Variants in CENPC observed in about 807,000 individuals in gnomAD.
CENPC encodes the protein centromere protein C.
CENPC carries 63 observed loss-of-function variants against 112.1 expected under a neutral mutation model. The observed-to-expected ratio is 0.56, with a 90% CI of 0.46 to 0.69. The LOEUF (loss-of-function observed/expected upper bound fraction) is 0.69, where lower values mean the gene tolerates loss of function less well. CENPC is among the 30% of genes least tolerant of loss of function. The pLI is 0.00. For synonymous variants in CENPC, 333 were observed against 367.6 expected (o/e 0.91, Z 1.08); for missense variants, 1,000 against 1,103.8 (o/e 0.91, Z 1.33).
chr4:67,479,470 A>G (rs1724895636), intron 17 of CENPC, among the ~76,000 whole-genome samples: 1 of 152,194 alleles, frequency 6.6e-6, no homozygotes, highest in Admixed American at 6.5e-5. Context: ...CTCCTGAATG[A>G]TTGTTGGGTC....
intron 12 of CENPC, 162 bp downstream of exon 12, chr4:67,505,043 C>G (rs1201687879): frequency 1.0e-5 from 6 of 575,102 alleles, no homozygotes; most frequent in Non-Finnish European, 1.8e-5. Context: ...TTCTTTCTGT[C>G]TCACTTAGGT....
intron 7 of CENPC, among the ~76,000 whole-genome samples, chr4:67,517,785 C>T (rs948647949): frequency 1.3e-5 from 2 of 151,982 alleles, no homozygotes; most frequent in African/African-American, 4.8e-5. Context: ...TGCAATGAGC[C>T]GAGATTGCGT....
intron 12 of CENPC, among the ~76,000 whole-genome samples, chr4:67,495,547 G>C (rs577928544): frequency 2.6e-5 from 4 of 152,224 alleles, no homozygotes; most frequent in African/African-American, 9.6e-5. Flanking sequence ...GATGAGGAAG[G>C]GGTTTTATTG....
At chr4:67,511,625 A>C (rs1304541878) in intron 9 of CENPC, among the ~76,000 whole-genome samples, 1 of 152,154 alleles carries the variant, frequency 6.6e-6, no homozygotes, top group Non-Finnish European at 1.5e-5. Flanking sequence ...GCTTATGCAA[A>C]AAATATGGTT....
intron 2 of CENPC, 88 bp downstream of exon 2, chr4:67,544,057 TAGTC>T: frequency 1.4e-6 from 1 of 695,570 alleles, no homozygotes; most frequent in South Asian, 1.6e-5. Flanking sequence ...ATCATTATAT[TAGTC>T]AGAGGTGATA....
chr4:67,479,591 A>T (rs1724898467), intron 17 of CENPC, among the ~76,000 whole-genome samples: 1 of 152,240 alleles, frequency 6.6e-6, no homozygotes, highest in East Asian at 1.9e-4. Context: ...CAGGAAAGTT[A>T]ATAGCATTAA....
At chr4:67,474,813 C>A (rs1724758969) in intron 18 of CENPC, 75 bp downstream of exon 18, 2 of 805,540 alleles carry the variant, frequency 2.5e-6, no homozygotes, top group Admixed American at 4.7e-5. Context: ...TTCATTTTGA[C>A]CACTGTGGCT....
At chr4:67,489,217 C>CACAT (rs1186682778) in intron 17 of CENPC, among the ~76,000 whole-genome samples, 4 of 151,550 alleles carry the variant, frequency 2.6e-5, no homozygotes, top group South Asian at 2.1e-4. Context: ...CACACACACA[C>CACAT]ACACATACAC....
Position 67,519,368 on chromosome 4 carries a change from C to A in CENPC, c.466G>T (p.Val156Phe). Residue 156 changes from valine to phenylalanine, a missense_variant, in exon 6 of 19, where the codon GTT (valine) becomes TTT (phenylalanine). Coordinates refer to ENST00000273853, the MANE Select transcript of CENPC (RefSeq NM_001812.4). ...SEADEEFYLS[V>F]GSPSVLLDAK... ...TCCAAAAGAACAGAAGGTGAGCCAA[C>A]GGATAAGTAAAATTCTTCATCAGCT... 1.2e-6 allele frequency: 2 copies of A among 1,613,134 alleles called. No homozygotes were observed. Among genetic ancestry groups the A allele is most frequent in the Non-Finnish European group, 1.7e-6 (2 of 1,179,502 alleles).
rs71219046 is a variant in CENPC at position 67,491,480 on chromosome 4, T to TAGAGAGAGAGAG, written c.2515+688_2515+699dup. Among the ~76,000 whole-genome samples the TAGAGAGAGAGAG allele has an allele frequency of 4.8e-3, 87 of 18,082 alleles. 11 individuals are homozygous for TAGAGAGAGAGAG. The highest frequency in any genetic ancestry group is 0.022 in the South Asian group (4 of 186). 11.9% of individuals were successfully genotyped at this position (18,082 alleles called of 152,430 possible). A position where few individuals can be genotyped will look rare whatever the true frequency, so the allele number is the denominator to read the frequency against. ...ATATATATATATATATATATATATATAGAGAGAGAGAGAGAGAGAGAGAGA... is the reference window on the plus strand; with the variant it reads ...ATATATATATATATATATATATATATAGAGAGAGAGAGAGAGAGAGAGAGAGAGAGAGAGAGA... On this transcript the variant is annotated intron_variant, in intron 16 of 18. Transcript: ENST00000273853.
chr4:67,496,982 G>A lies in CENPC; in HGVS notation c.2132-1770C>T, dbSNP rs555831226. On this transcript the variant is annotated intron_variant, in intron 12 of 18. Transcript: ENST00000273853. ...CTGTTGGAAATTCTCCTGTGACACTGGGCCTCGGAGGCAGTGTCAGAGTGA... is the reference window on the plus strand; with the variant it reads ...CTGTTGGAAATTCTCCTGTGACACTAGGCCTCGGAGGCAGTGTCAGAGTGA... Among the ~76,000 whole-genome samples the A allele has an allele frequency of 1.7e-3, 239 of 143,968 alleles. 1 individual carries two copies. The highest frequency in any genetic ancestry group is 4.4e-3 in the African/African-American group (171 of 38,684). The allele number at this position is 143,968 out of a possible 152,430, so 94.4% of individuals were successfully genotyped here. A position where few individuals can be genotyped will look rare whatever the true frequency, so the allele number is the denominator to read the frequency against.
At position 67,498,600 on chromosome 4, in the gene CENPC, C is replaced by A. The variant is rs930770153; in HGVS notation, c.2132-3388G>T. On this transcript the variant is annotated intron_variant, in intron 12 of 18. Coordinates refer to ENST00000273853, the MANE Select transcript of CENPC (RefSeq NM_001812.4). ...TTCCAACTCAAGAAATCAGTTCCTT[C>A]GTTCTTCCATAAGAAGCAACTCCTC... 6.6e-5 allele frequency among the ~76,000 whole-genome samples: 10 copies of A among 152,174 alleles called. 1 individual carries two copies. Among genetic ancestry groups the A allele is most frequent in the Non-Finnish European group, 1.5e-4 (10 of 68,034 alleles).
At chr4:67,497,107 C>A (rs974988570) in intron 12 of CENPC, among the ~76,000 whole-genome samples, 14 of 152,112 alleles carry the variant, frequency 9.2e-5, no homozygotes, top group Admixed American at 2.0e-4. Flanking sequence ...CGGCCAGGCG[C>A]AGTGGCTCAC....
At chr4:67,512,380 C>T (rs746479734) in intron 9 of CENPC, 22 bp downstream of exon 9, 2 of 1,529,734 alleles carry the variant, frequency 1.3e-6, no homozygotes, top group Non-Finnish European at 1.8e-6. Flanking sequence ...TGAACAAACA[C>T]AATTTAAATA....
chr4:67,502,647 T>A (rs929666058), intron 12 of CENPC, among the ~76,000 whole-genome samples: 1 of 152,086 alleles, frequency 6.6e-6, no homozygotes, highest in African/African-American at 2.4e-5. Flanking sequence ...CCTTAATAGA[T>A]CTCAAATAAA....
intron 5 of CENPC, 146 bp downstream of exon 5, chr4:67,530,669 A>T (rs1391110): frequency 0.22 from 90,530 of 416,840 alleles, 10,276 homozygotes; most frequent in South Asian, 0.26. Flanking sequence ...TTGTAAGGAA[A>T]TCAAAAACAA....
At chr4:67,494,548 G>A (rs1364322862) in intron 13 of CENPC, among the ~76,000 whole-genome samples, 2 of 151,458 alleles carry the variant, frequency 1.3e-5, no homozygotes, top group Non-Finnish European at 2.9e-5. Context: ...TCTAAGTTCT[G>A]GAGTAAGGCA....
chr4:67,502,916 T>C (rs1262777106), intron 12 of CENPC, among the ~76,000 whole-genome samples: 1 of 152,174 alleles, frequency 6.6e-6, no homozygotes, highest in Non-Finnish European at 1.5e-5. Context: ...TTCCACTTTC[T>C]ACTGCTACCA....
intron 10 of CENPC, 48 bp from the exon 11 acceptor site, chr4:67,506,982 A>G: frequency 6.9e-7 from 1 of 1,458,518 alleles, no homozygotes; most frequent in Non-Finnish European, 9.3e-7. Flanking sequence ...TCAAAATAAA[A>G]TTTTCTTCCA....
Sources: gnomAD v4.1 joint callset for allele counts (sites outside exome capture counted in the v4.1 genomes callset) on GRCh38, gnomAD v4.1.1 for gene constraint, MANE v1.5 for transcripts, NCBI Gene and HGNC (gene_info 2026-07-23, HGNC 2026-07-21) for gene names.